Variants in KDM6A observed in about 807,000 individuals in gnomAD.
KDM6A encodes the protein lysine-specific demethylase 6A.
A neutral mutation model predicts 117.6 loss-of-function variants in KDM6A; 11 were observed. The ratio of observed to expected loss-of-function variants is 0.09; its 90% CI spans 0.06 to 0.15. The LOEUF is 0.15. Ranked by LOEUF, KDM6A falls within the 10% of genes least tolerant of loss-of-function variation. The pLI is 1.00. For missense variants in KDM6A, 799 were observed against 1,077.3 expected, an observed-to-expected ratio of 0.74 and a Z score of 3.62; for synonymous variants, 384 against 396.1, an observed-to-expected ratio of 0.97 and a Z score of 0.36.
At chrX:44,949,370 C>T (rs953581907) in intron 2 of KDM6A, among the ~76,000 whole-genome samples, 3 of 111,454 alleles carry the variant, frequency 2.7e-5, no homozygotes, top group African/African-American at 3.3e-5. Flanking sequence ...ACCCTAGCCT[C>T]GGTGACAAAG....
At position 45,072,323 on chromosome X, in the gene KDM6A, A is replaced by G. The variant is rs144116881; in HGVS notation, c.2858+1966A>G. 1.1e-3 allele frequency among the ~76,000 whole-genome samples: 125 copies of G among 111,710 alleles called. 1 individual carries two copies. In the East Asian group the frequency reaches 0.033, roughly 30 times the overall value. On this transcript the variant is annotated intron_variant, in intron 18 of 29. Transcript: ENST00000611820. ...AAGATTTTTTAAGGTCAGTAACTTA[A>G]GAGGACATTGGATGATCTCTAAATG...
At chrX:44,888,390 C>T (rs183477167) in intron 2 of KDM6A, among the ~76,000 whole-genome samples, 11 of 112,194 alleles carry the variant, frequency 9.8e-5, no homozygotes, top group Admixed American at 8.5e-4. Flanking sequence ...CCAGTTTTGC[C>T]GTTTCTTAAA....
intron 2 of KDM6A, among the ~76,000 whole-genome samples, chrX:44,947,391 A>AT (rs145856914): frequency 0.16 from 15,244 of 98,320 alleles, 1,887 homozygotes; most frequent in African/African-American, 0.39. Flanking sequence ...AATAATCAGA[A>AT]TTTTTTTTTT....
intron 1 of KDM6A, 92 bp downstream of exon 1, chrX:44,873,804 G>GGGGC: frequency 8.8e-7 from 1 of 1,141,210 alleles, no homozygotes. Flanking sequence ...TGGCGGCGGC[G>GGGGC]GGGCGGGCAC....
intron 23 of KDM6A, among the ~76,000 whole-genome samples, chrX:45,083,235 T>C (rs2045500136): frequency 8.9e-6 from 1 of 112,199 alleles, no homozygotes; most frequent in Non-Finnish European, 1.9e-5. Flanking sequence ...GTACAACTAT[T>C]AAAATAGTTT....
intron 3 of KDM6A, among the ~76,000 whole-genome samples, chrX:44,972,749 A>C (rs1468410457): frequency 9.0e-6 from 1 of 111,423 alleles, no homozygotes; most frequent in East Asian, 2.8e-4. Context: ...AAGTAAATCA[A>C]ATCAGGCCGG....
In KDM6A at chrX:45,090,475, G is replaced by A. The variant is rs141486246; in HGVS notation, c.3893-248G>A. Among the ~76,000 whole-genome samples the A allele has an allele frequency of 4.5e-3, 499 of 111,948 alleles. 3 individuals carry two copies. The highest frequency in any genetic ancestry group is 0.015 in the African/African-American group (470 of 30,824). ...AAGTAATGAAATTAATAAGGTGATG[G>A]TGAAGAGTAAATGAGATAATGGGTA... is the stretch of plus-strand genomic sequence containing the variant. On this transcript the variant is annotated intron_variant, in intron 26 of 29. Coordinates refer to ENST00000611820, the MANE Select transcript of KDM6A (RefSeq NM_001291415.2).
intron 27 of KDM6A, among the ~76,000 whole-genome samples, chrX:45,102,749 G>A (rs2046378847): frequency 8.9e-6 from 1 of 111,802 alleles, no homozygotes; most frequent in African/African-American, 3.3e-5. Flanking sequence ...TTGCTTTCAT[G>A]CTTTTTTCCC....
intron 2 of KDM6A, among the ~76,000 whole-genome samples, chrX:44,927,882 A>G (rs2036397144): frequency 8.9e-6 from 1 of 111,748 alleles, no homozygotes; most frequent in South Asian, 3.7e-4. Context: ...TGAGAAGACT[A>G]TAGAAATAGT....
At chrX:44,930,636 T>C (rs2036566617) in intron 2 of KDM6A, among the ~76,000 whole-genome samples, 1 of 112,081 alleles carries the variant, frequency 8.9e-6, no homozygotes, top group Admixed American at 9.5e-5. Context: ...TACTCTTATT[T>C]GGAATTATAC....
chrX:45,037,766 G>T, intron 8 of KDM6A, 77 bp downstream of exon 8: 1 of 800,713 alleles, frequency 1.2e-6, no homozygotes, highest in East Asian at 3.2e-5. Flanking sequence ...ACTGAAATCA[G>T]AAGTGTACAG....
intron 4 of KDM6A, among the ~76,000 whole-genome samples, chrX:44,999,375 G>A (rs1030985142): frequency 2.8e-4 from 31 of 111,067 alleles, no homozygotes; most frequent in African/African-American, 1.0e-3. Context: ...TCCCCTATTG[G>A]CGAGGGTTAG....
intron 4 of KDM6A, among the ~76,000 whole-genome samples, chrX:44,989,319 G>A (rs1175092822): frequency 9.5e-6 from 1 of 105,438 alleles, no homozygotes; most frequent in Non-Finnish European, 1.9e-5. Context: ...CTTTGACTAG[G>A]AAAGGGAATT....
At chrX:45,090,599 A>T in intron 26 of KDM6A, 124 bp from the exon 27 acceptor site, 2 of 702,875 alleles carry the variant, frequency 2.8e-6, no homozygotes, top group Non-Finnish European at 4.3e-6. Flanking sequence ...CATAAAAATT[A>T]TTTTTATAGT....
rs2045511008 is a variant in KDM6A, at chrX:45,083,497, G to A, written c.3478G>A (p.Ala1160Thr). Residue 1160 changes from alanine (A) to threonine (T), a missense_variant, in exon 24 of 30, where the codon GCT (alanine) becomes ACT (threonine). Ala to Thr is a moderately conservative substitution (Grantham distance 58). Around this residue, in one of 8 missense-constraint regions of KDM6A, gnomAD observed 291 missense variants for 437.9 expected, o/e 0.66. Coordinates refer to ENST00000611820, the MANE Select transcript of KDM6A (RefSeq NM_001291415.2). ...LQLHELTKLP[A>T]FVRVVSAGNL... ...GCTACATGAGCTGACTAAACTTCCT[G>A]CTTTTGTGCGTGTCGTATCAGCAGG... 8.3e-7 allele frequency: 1 copy of A among 1,209,579 alleles called. No homozygotes were observed. Among genetic ancestry groups the A allele is most frequent in the South Asian group, 1.8e-5 (1 of 56,895 alleles).
chrX:45,041,660 C>T (rs1329078111), intron 8 of KDM6A, among the ~76,000 whole-genome samples: 2 of 110,371 alleles, frequency 1.8e-5, no homozygotes, highest in Non-Finnish European at 3.8e-5. Flanking sequence ...GATGGGCGGC[C>T]GGGCAGAGAC....
chrX:44,949,706 A>T (rs1259314075), intron 2 of KDM6A, among the ~76,000 whole-genome samples: 3 of 112,048 alleles, frequency 2.7e-5, no homozygotes, highest in Non-Finnish European at 5.6e-5. Context: ...GCATTTATTT[A>T]AAAATGTGTG....
At chrX:44,932,324 C>T (rs1402066574) in intron 2 of KDM6A, among the ~76,000 whole-genome samples, 5 of 107,841 alleles carry the variant, frequency 4.6e-5, no homozygotes, top group African/African-American at 1.4e-4. Flanking sequence ...TTGGCCAGGC[C>T]GGTCTTCAAC....
rs948560938 is a variant in KDM6A, at chrX:45,111,609, G to A, written c.*198G>A. The A allele has an allele frequency of 4.9e-5, 20 of 404,291 alleles. No homozygotes were observed. The Middle Eastern group carries it at 1.1e-3, about 22-fold the overall frequency. The allele number at this position is 404,291 out of a possible 1,213,427, so 33.3% of individuals were successfully genotyped here. A position where few individuals can be genotyped will look rare whatever the true frequency, so the allele number is the denominator to read the frequency against. ...TCCAGGACTCTCACAAAGCTGATGAGCTGTACTTCAGAAAAAAATAATAAT... is the reference window on the plus strand; with the variant it reads ...TCCAGGACTCTCACAAAGCTGATGAACTGTACTTCAGAAAAAAATAATAAT... On this transcript the variant is annotated 3_prime_UTR_variant, in exon 30 of 30. Coordinates refer to ENST00000611820, the MANE Select transcript of KDM6A (RefSeq NM_001291415.2).
Sources: allele counts gnomAD v4.1 joint callset (sites outside exome capture counted in the v4.1 genomes callset), GRCh38; gene constraint gnomAD v4.1.1; regional missense constraint gnomAD v4.1.1; transcripts MANE v1.5; gene names NCBI Gene and HGNC (gene_info 2026-07-23, HGNC 2026-07-21).